BTRC: variants seen among roughly 807,000 people sequenced by gnomAD.
BTRC encodes beta-transducin repeat containing E3 ubiquitin protein ligase, also known as F-box/WD repeat-containing protein 1A.
In BTRC, 42 loss-of-function variants were observed where a neutral mutation model predicts 85.5. The observed-to-expected ratio is 0.49, with a 90% confidence interval of 0.38 to 0.64. The LOEUF is 0.64. Ranked by LOEUF, BTRC falls within the 30% of genes least tolerant of loss-of-function variation. BTRC has a pLI of 0.00. For missense variants in BTRC, 594 were observed against 743.5 expected (o/e 0.80, Z 2.34); for synonymous variants, 255 against 263.3 (o/e 0.97, Z 0.30).
At chr10:101,410,699 G>A (rs1943752025) in intron 1 of BTRC, among the ~76,000 whole-genome samples, 1 of 127,852 alleles carries the variant, frequency 7.8e-6, no homozygotes, top group East Asian at 2.0e-4. Flanking sequence ...TAATTGAGTT[G>A]TCTTTTTTTA....
chr10:101,436,878 A>G (rs1211846807), intron 2 of BTRC, among the ~76,000 whole-genome samples: 2 of 152,234 alleles, frequency 1.3e-5, no homozygotes, highest in African/African-American at 4.8e-5. Context: ...GTGAAATGTT[A>G]AAATGGAACA....
At chr10:101,417,727 C>CCACTAGAGAT (rs1261652834) in intron 1 of BTRC, among the ~76,000 whole-genome samples, 1 of 152,054 alleles carries the variant, frequency 6.6e-6, no homozygotes, top group Non-Finnish European at 1.5e-5. Flanking sequence ...TTCTTTCACT[C>CCACTAGAGAT]AGGGTGGAGT....
intron 4 of BTRC, among the ~76,000 whole-genome samples, chr10:101,515,201 T>C (rs1462019089): frequency 6.6e-6 from 1 of 151,670 alleles, no homozygotes; most frequent in Non-Finnish European, 1.5e-5. Flanking sequence ...AGTGATCCAC[T>C]CACCTCAGAC....
chr10:101,366,346 C>G (rs1942372643), intron 1 of BTRC, among the ~76,000 whole-genome samples: 1 of 151,942 alleles, frequency 6.6e-6, no homozygotes, highest in African/African-American at 2.4e-5. Context: ...GGTGAAGATA[C>G]AAAGTTGAAT....
At chr10:101,439,964 G>T (rs953153694) in intron 2 of BTRC, among the ~76,000 whole-genome samples, 2 of 152,194 alleles carry the variant, frequency 1.3e-5, no homozygotes, top group Non-Finnish European at 2.9e-5. Context: ...TTTATTTATT[G>T]CTCTTATTAT....
chr10:101,389,478 A>C (rs1943181361), intron 1 of BTRC, among the ~76,000 whole-genome samples: 1 of 152,040 alleles, frequency 6.6e-6, no homozygotes, highest in Non-Finnish European at 1.5e-5. Flanking sequence ...TTTTGGACTA[A>C]AGCTATGCAT....
chr10:101,452,226 A>G (rs990819318), intron 2 of BTRC, among the ~76,000 whole-genome samples: 2 of 152,246 alleles, frequency 1.3e-5, no homozygotes, highest in South Asian at 4.1e-4. Context: ...GTTTCTGCAT[A>G]CTAGCATAAA....
intron 4 of BTRC, among the ~76,000 whole-genome samples, chr10:101,512,321 G>A (rs1389006890): frequency 1.3e-5 from 2 of 152,098 alleles, no homozygotes; most frequent in Non-Finnish European, 2.9e-5. Context: ...TTTCCTTAAA[G>A]CCTTTCTCAA....
At chr10:101,467,325 C>T (rs985355922) in intron 3 of BTRC, among the ~76,000 whole-genome samples, 1 of 135,982 alleles carries the variant, frequency 7.4e-6, no homozygotes, top group Non-Finnish European at 1.6e-5. Flanking sequence ...ATCAGGCAGG[C>T]AGGGTTTTTT....
At chr10:101,385,632 T>TTTTTTTTTTTTG (rs1288309804) in intron 1 of BTRC, among the ~76,000 whole-genome samples, 1 of 143,872 alleles carries the variant, frequency 7.0e-6, no homozygotes, top group Non-Finnish European at 1.5e-5. Context: ...TTTTTTTTTT[T>TTTTTTTTTTTTG]TGTGTGTTCT....
intron 3 of BTRC, among the ~76,000 whole-genome samples, chr10:101,463,509 A>G (rs1945284706): frequency 6.6e-6 from 1 of 152,220 alleles, no homozygotes; most frequent in African/African-American, 2.4e-5. Flanking sequence ...AAAATTGGAT[A>G]CAATGAGCCT....
chr10:101,495,108 T>C (rs778157120), intron 4 of BTRC, among the ~76,000 whole-genome samples: 20 of 152,196 alleles, frequency 1.3e-4, no homozygotes, highest in Admixed American at 5.9e-4. Context: ...AGAGCAGGGT[T>C]CTCCTAATAC....
chr10:101,506,545 CT>C (rs960699597), intron 4 of BTRC, among the ~76,000 whole-genome samples: 1 of 152,018 alleles, frequency 6.6e-6, no homozygotes, highest in Non-Finnish European at 1.5e-5. Context: ...TATTATATAC[CT>C]TGTTTATTGT....
At position 101,362,690 on chromosome 10, in the gene BTRC, C is replaced by G. The variant is rs150679768; in HGVS notation, c.48+8462C>G. 1.8e-4 allele frequency among the ~76,000 whole-genome samples: 27 copies of G among 152,236 alleles called. No individual in the cohort carries two copies. In the East Asian group the frequency reaches 4.6e-3, roughly 26 times the overall value. On this transcript the variant is annotated intron_variant, in intron 1 of 14. Transcript: ENST00000370187. ...GATTACAGGTGTGAGCCACCACGCC[C>G]GGCCAGAAGAAATTTTTTGTGTTTT... is the stretch of plus-strand genomic sequence containing the variant.
At chr10:101,544,819 G>A (rs925487815) in intron 13 of BTRC, among the ~76,000 whole-genome samples, 1 of 152,102 alleles carries the variant, frequency 6.6e-6, no homozygotes, top group Admixed American at 6.6e-5. Flanking sequence ...AGCACTTTGG[G>A]AGTCTGAGGC....
At chr10:101,533,389 G>T (rs2062330587) in intron 9 of BTRC, among the ~76,000 whole-genome samples, 1 of 152,200 alleles carries the variant, frequency 6.6e-6, no homozygotes. Context: ...TGATATGAAT[G>T]CAATGAAGCC....
chr10:101,362,831 T>TA (rs1345675437), intron 1 of BTRC, among the ~76,000 whole-genome samples: 1 of 152,104 alleles, frequency 6.6e-6, no homozygotes, highest in South Asian at 2.1e-4. Flanking sequence ...GAGACCACAA[T>TA]AAAAAATAAC....
intron 13 of BTRC, among the ~76,000 whole-genome samples, chr10:101,543,639 G>A: frequency 6.9e-6 from 1 of 145,974 alleles, no homozygotes. Flanking sequence ...TTTTATCTCA[G>A]TTTAGCTCCT....
In BTRC at chr10:101,469,910, G is replaced by A. The variant is rs565380268; in HGVS notation, c.234+7852G>A. Among the ~76,000 whole-genome samples the A allele has an allele frequency of 5.3e-5, 8 of 152,258 alleles. No individual in the cohort carries two copies. The East Asian group carries it at 1.5e-3, about 29-fold the overall frequency. On this transcript the variant is annotated intron_variant, in intron 3 of 14. Transcript: ENST00000370187. The stretch of plus-strand genomic sequence containing the variant: ...GTTTGTGAGATTCCTCTATGTTGCT[G>A]TGTATATCAGTAGTTTATTCTCTTT...
Sources: allele counts gnomAD v4.1 joint callset (sites outside exome capture counted in the v4.1 genomes callset), GRCh38; gene constraint gnomAD v4.1.1; transcripts MANE v1.5; gene names NCBI Gene and HGNC (gene_info 2026-07-23, HGNC 2026-07-21).